The following LRTM3 variants were observed in gnomAD, a reference collection of about 807,000 sequenced individuals.
LRTM3 encodes the protein leucine-rich repeat transmembrane protein 3.
At chr13:102,731,476 CTG>C in the LRTM3 span, 12 of 1,551,146 alleles carry the variant, frequency 7.7e-6, no homozygotes, top group Non-Finnish European at 1.0e-5. Context: ...TGGGAGTAAA[CTG>C]TTCTAAAAGG....
chr13:102,742,821 A>G, the LRTM3 span: 1 of 1,550,648 alleles, frequency 6.4e-7, no homozygotes, highest in African/African-American at 1.4e-5. Context: ...GCCAAATTAC[A>G]GAAAGCATTT....
chr13:102,742,718 C>A, the LRTM3 span: 2 of 1,550,558 alleles, frequency 1.3e-6, no homozygotes, highest in African/African-American at 2.7e-5. Context: ...ACCTTGGGGA[C>A]TTGACCTGTC....
At chr13:102,734,648 A>G in the LRTM3 span, 2 of 1,551,010 alleles carry the variant, frequency 1.3e-6, no homozygotes, top group Non-Finnish European at 1.7e-6. Context: ...GATATCACCA[A>G]CGACGGACTC....
At chr13:102,738,417 G>A in the LRTM3 span, 3 of 1,550,836 alleles carry the variant, frequency 1.9e-6, no homozygotes, top group South Asian at 2.4e-5. Context: ...AAATGAGAAG[G>A]AGAAGGAATG....
the LRTM3 span, chr13:102,758,941 CATATGTG>C: frequency 4.8e-6 from 7 of 1,463,572 alleles, no homozygotes; most frequent in Non-Finnish European, 6.5e-6. Flanking sequence ...ATTTTAATGT[CATATGTG>C]AAAGAGACTG....
At chr13:102,733,394 G>C in the LRTM3 span, 1 of 1,551,162 alleles carries the variant, frequency 6.4e-7, no homozygotes, top group Non-Finnish European at 8.7e-7. Flanking sequence ...AGATACTTTC[G>C]ATGAAGTTTC....
At chr13:102,750,243 C>T in the LRTM3 span, 3 of 1,551,364 alleles carry the variant, frequency 1.9e-6, no homozygotes, top group Non-Finnish European at 2.6e-6. Flanking sequence ...ACATGACTTT[C>T]ACTAGAGGGA....
At chr13:102,733,932 C>CGTGGGT in the LRTM3 span, 1 of 1,551,128 alleles carries the variant, frequency 6.4e-7, no homozygotes, top group African/African-American at 1.4e-5. Context: ...TTTGAGGGTA[C>CGTGGGT]ATGGAGAGTT....
the LRTM3 span, chr13:102,749,813 G>T: frequency 2.6e-6 from 4 of 1,551,342 alleles, no homozygotes; most frequent in Non-Finnish European, 2.6e-6. Context: ...AGAATCCTGT[G>T]CTTGGACAGA....
At chr13:102,733,252 G>C in the LRTM3 span, 7 of 1,551,334 alleles carry the variant, frequency 4.5e-6, no homozygotes, top group Admixed American at 2.0e-5. Flanking sequence ...AGTTGGTGAC[G>C]ATACTTATTT....
chr13:102,749,596 G>A, the LRTM3 span: 1 of 1,551,384 alleles, frequency 6.4e-7, no homozygotes, highest in Admixed American at 2.0e-5. Flanking sequence ...CAAAATGTTG[G>A]TTCCTATCCA....
the LRTM3 span, chr13:102,738,037 A>C: frequency 6.5e-7 from 1 of 1,548,968 alleles, no homozygotes. Flanking sequence ...CTTGTCCTGC[A>C]CCTCTTCTGT....
chr13:102,746,911 A>G, the LRTM3 span: 4 of 1,551,226 alleles, frequency 2.6e-6, no homozygotes, highest in Non-Finnish European at 3.5e-6. Context: ...TACTCTTCAC[A>G]TTCTCAGCAT....
At chr13:102,735,871 T>C in the LRTM3 span, 1 of 1,539,278 alleles carries the variant, frequency 6.5e-7, no homozygotes, top group Non-Finnish European at 8.8e-7. Context: ...ATGAAGCAGA[T>C]TTCCTCGGAA....
At chr13:102,731,319 A>C in the LRTM3 span, 2 of 1,551,442 alleles carry the variant, frequency 1.3e-6, no homozygotes, top group Non-Finnish European at 1.7e-6. Context: ...TGTCTAGAAT[A>C]GAACCTCCAA....
chr13:102,748,077 T>C, the LRTM3 span: 1 of 1,551,192 alleles, frequency 6.4e-7, no homozygotes. Context: ...GCTGAATGAC[T>C]GAGCCTTATT....
At chr13:102,756,986 T>TC in the LRTM3 span, among the ~76,000 whole-genome samples, 1 of 152,196 alleles carries the variant, frequency 6.6e-6, no homozygotes, top group South Asian at 2.1e-4. Flanking sequence ...ATCCTTTTTT[T>TC]CTCCATGTCT....
At chr13:102,747,062 G>C in the LRTM3 span, 1 of 1,551,082 alleles carries the variant, frequency 6.4e-7, no homozygotes, top group Admixed American at 2.0e-5. Flanking sequence ...ATGCAGGACT[G>C]CTTTTGGTAG....
At chr13:102,734,171 T>C in the LRTM3 span, 2 of 1,551,472 alleles carry the variant, frequency 1.3e-6, no homozygotes, top group Non-Finnish European at 1.7e-6. Context: ...CTCTTGGCAG[T>C]GTATCCTGAA....
Sources: allele counts gnomAD v4.1 joint callset (sites outside exome capture counted in the v4.1 genomes callset), GRCh38; gene constraint gnomAD v4.1.1; transcripts MANE v1.5; gene names NCBI Gene and HGNC (gene_info 2026-07-23, HGNC 2026-07-21).